The following FCAMR variants were observed in gnomAD, a reference collection of about 807,000 sequenced individuals.
The protein encoded by FCAMR is high affinity immunoglobulin alpha and immunoglobulin mu Fc receptor.
A neutral mutation model predicts 52.2 loss-of-function variants in FCAMR; 51 were observed. That is an observed-to-expected ratio of 0.98 (90% CI 0.78 to 1.23). The LOEUF is 1.23. Among genes scored for constraint, FCAMR ranks in the 50% most tolerant of loss-of-function variants. The probability of loss-of-function intolerance (pLI) is 0.00; values close to 1 mark genes in which losing one functional copy is unlikely to be tolerated. For missense variants in FCAMR, 719 were observed against 712.6 expected, an observed-to-expected ratio of 1.01 and a Z score of -0.10; for synonymous variants, 282 against 262.0, an observed-to-expected ratio of 1.08 and a Z score of -0.74.
At chr1:206,963,501 C>G (rs1005904915) in intron 4 of FCAMR, among the ~76,000 whole-genome samples, 1 of 152,166 alleles carries the variant, frequency 6.6e-6, no homozygotes, top group Non-Finnish European at 1.5e-5. Flanking sequence ...CGTAATTTCT[C>G]ATGGATAATA....
rs890498867 is a variant in FCAMR at position 206,958,643 on chromosome 1, A to G, written c.1607T>C (p.Met536Thr). The G allele has an allele frequency of 1.9e-6, 3 of 1,614,068 alleles. No homozygotes were observed. The highest frequency in any genetic ancestry group is 2.2e-5 in the East Asian group (1 of 44,886). Residue 536 changes from methionine (M) to threonine (T), a missense_variant, in exon 8 of 8, where the codon ATG becomes ACG. Coordinates refer to ENST00000324852, the MANE Select transcript of FCAMR (RefSeq NM_001170631.2). The part of the protein sequence containing the change: ...QEAERVTLIQ[M>T]THFLEVNPQA... ...GGGGTTCACTTCCAGAAAATGTGTC[A>G]TCTGAATTAAGGTGACCCTTTCTGC...
intron 7 of FCAMR, 147 bp downstream of exon 7, chr1:206,959,532 C>A: frequency 2.4e-5 from 13 of 552,808 alleles, no homozygotes; most frequent in South Asian, 6.5e-5. Flanking sequence ...GAAAAGAAAC[C>A]AAGGCCAAGA....
At chr1:206,963,617 T>C (rs892350200) in intron 4 of FCAMR, among the ~76,000 whole-genome samples, 2 of 152,180 alleles carry the variant, frequency 1.3e-5, no homozygotes, top group Admixed American at 6.5e-5. Context: ...CCAGCTGGGC[T>C]TGGAGTCTGT....
intron 5 of FCAMR, 70 bp from the exon 6 acceptor site, chr1:206,961,293 C>G: frequency 3.0e-6 from 4 of 1,322,498 alleles, no homozygotes; most frequent in Non-Finnish European, 4.1e-6. Flanking sequence ...GCAAAGGACA[C>G]CAGGTTTAAA....
At chr1:206,969,396 C>T (rs1280804060) in intron 1 of FCAMR, 1 of 422,050 alleles carries the variant, frequency 2.4e-6, no homozygotes, top group Admixed American at 2.5e-5. Context: ...CTCCAAGTCA[C>T]CCTCTCTGCC....
In FCAMR at chr1:206,960,723, T is replaced by C; in HGVS notation, c.1153A>G (p.Thr385Ala). Residue 385 changes from threonine (T) to alanine (A), a missense_variant, in exon 6 of 8, where the codon ACT becomes GCT. Transcript: ENST00000324852. ...TIGPPALVSE[T>A]LAWEILPQAT... ...TGTGGGAGGATTTCCCAGGCCAAAG[T>C]TTCTGAGACCAGAGCTGGTGGCCCA... is the stretch of plus-strand genomic sequence containing the variant. 1 of 1,552,338 alleles carries C rather than the reference T, an allele frequency of 6.4e-7. No homozygotes were observed. Among genetic ancestry groups the C allele is most frequent in the Non-Finnish European group, 8.7e-7 (1 of 1,147,136 alleles).
Position 206,962,568 on chromosome 1 carries a change from A to G in FCAMR, c.314-17T>C. On this transcript the variant is annotated splice_polypyrimidine_tract_variant and intron_variant, in intron 4 of 7. Coordinates refer to ENST00000324852, the MANE Select transcript of FCAMR (RefSeq NM_001170631.2). Reference sequence around the variant, plus strand: ...AATTTGGAGCTGCAGACAGAGAAGGAAGTCAAAGGAGAGGAAGTGGTGAGC... The same window carrying G: ...AATTTGGAGCTGCAGACAGAGAAGGGAGTCAAAGGAGAGGAAGTGGTGAGC... 1 of 1,508,746 alleles carries G rather than the reference A, an allele frequency of 6.6e-7. No individual in the cohort carries two copies. Among genetic ancestry groups the G allele is most frequent in the Non-Finnish European group, 8.9e-7 (1 of 1,123,494 alleles). 93.5% of individuals were successfully genotyped at this position (1,508,746 alleles called of 1,614,324 possible).
At chr1:206,962,676 G>T in intron 4 of FCAMR, 125 bp from the exon 5 acceptor site, 1 of 744,056 alleles carries the variant, frequency 1.3e-6, no homozygotes, top group Non-Finnish European at 2.1e-6. Context: ...TGAACATGGA[G>T]CAGAATCAAT....
chr1:206,960,445 A>G lies in FCAMR; in HGVS notation c.1431T>C (p.Pro477=). The change falls in exon 6 of 8, where the codon CCT becomes CCC. Residue 477 remains proline (P), a synonymous_variant. Coordinates refer to ENST00000324852, the MANE Select transcript of FCAMR (RefSeq NM_001170631.2). The part of the protein sequence containing the change: ...QTPAVGPWGP[P]GKESSVKRTF... ...ACCGCTTCACGGAGGACTCCTTGCC[A>G]GGGGGTCCCCAGGGTCCTACTGCCG... 4 of 1,511,724 alleles carry G rather than the reference A, an allele frequency of 2.6e-6. No individual in the cohort carries two copies. Among genetic ancestry groups the G allele is most frequent in the Non-Finnish European group, 3.5e-6 (4 of 1,128,908 alleles). 93.6% of individuals were successfully genotyped at this position (1,511,724 alleles called of 1,614,324 possible).
At chr1:206,967,773 G>A in intron 1 of FCAMR, 122 bp from the exon 2 acceptor site, 2 of 839,026 alleles carry the variant, frequency 2.4e-6, no homozygotes, top group East Asian at 2.6e-5. Context: ...CTGCACTAGG[G>A]TGCTATTCTG....
chr1:206,968,929 C>A (rs1680821270), intron 1 of FCAMR, among the ~76,000 whole-genome samples: 1 of 152,170 alleles, frequency 6.6e-6, no homozygotes, highest in Non-Finnish European at 1.5e-5. Context: ...CCAAGAATGG[C>A]CAGATCTTTA....
rs1348280059 is a variant in FCAMR, at chr1:206,961,227, T to G, written c.653-4A>C. ...GTGGGGAGGGTGCTGGCGGGACCTG[T>G]GTGGACAGCAGAGGGAGGCCACATG... On this transcript the variant is annotated splice_region_variant and splice_polypyrimidine_tract_variant and intron_variant, in intron 5 of 7. Transcript: ENST00000324852. 1 of 1,536,200 alleles carries G rather than the reference T, an allele frequency of 6.5e-7. No individual in the cohort carries two copies.
rs953767799 is a variant in FCAMR, at chr1:206,960,517, A to T, written c.1359T>A (p.Asp453Glu). Reference protein sequence around the residue: ...SGEGSAAGDLDAATGDRGPQA... With the variant: ...SGEGSAAGDLEAATGDRGPQA... The stretch of plus-strand genomic sequence containing the variant: ...GGGGACCTCTGTCTCCAGTGGCAGC[A>T]TCTAGGTCCCCTGCAGCGCTTCCTT... Residue 453 changes from aspartate (D) to glutamate (E), a missense_variant, in exon 6 of 8, where the codon GAT becomes GAA. Coordinates refer to ENST00000324852, the MANE Select transcript of FCAMR (RefSeq NM_001170631.2). The T allele has an allele frequency of 4.5e-6, 7 of 1,551,486 alleles. No individual in the cohort carries two copies. The African/African-American group carries it at 8.2e-5, about 18-fold the overall frequency.
Position 206,967,640 on chromosome 1 carries a change from C to T in FCAMR, c.51G>A (p.Arg17=). 1.2e-6 allele frequency: 2 copies of T among 1,614,146 alleles called. No homozygotes were observed. The highest frequency in any genetic ancestry group is 1.7e-6 in the Non-Finnish European group (2 of 1,179,984). ...TGGAGTAGTCCACTTCTCTTCCTCT[C>T]CTCACCACTTCCTGTTTGCAGAAGG... The part of the protein sequence containing the change: ...VKPGEQKEVV[R]RGREVDYSRL... Residue 17 remains arginine (R), a synonymous_variant, in exon 2 of 8, where the codon AGG becomes AGA. Transcript: ENST00000324852.
intron 1 of FCAMR, among the ~76,000 whole-genome samples, chr1:206,968,059 G>T (rs1680783398): frequency 6.6e-6 from 1 of 152,210 alleles, no homozygotes; most frequent in African/African-American, 2.4e-5. Context: ...AGAGATTGTG[G>T]CCGGGCACAG....
In FCAMR at chr1:206,970,428, G is replaced by T. The variant is rs1680891515; in HGVS notation, c.-303C>A. The T allele has an allele frequency of 9.0e-6, 3 of 333,898 alleles. No homozygotes were observed. Among genetic ancestry groups the T allele is most frequent in the Non-Finnish European group, 1.6e-5 (3 of 182,364 alleles). The allele number at this position is 333,898 out of a possible 1,614,324, so 20.7% of individuals were successfully genotyped here. ...GAGTGGTAACAGTAGCTTCAAAAAAGAAAACACTGATCCATATCCTTCCTC... is the reference window on the plus strand; with the variant it reads ...GAGTGGTAACAGTAGCTTCAAAAAATAAAACACTGATCCATATCCTTCCTC... On this transcript the variant is annotated 5_prime_UTR_variant, in exon 1 of 8. Coordinates refer to ENST00000324852, the MANE Select transcript of FCAMR (RefSeq NM_001170631.2).
intron 1 of FCAMR, among the ~76,000 whole-genome samples, chr1:206,968,396 G>A (rs1459233032): frequency 2.0e-5 from 3 of 152,150 alleles, no homozygotes; most frequent in Non-Finnish European, 4.4e-5. Flanking sequence ...TTCCCCAGAG[G>A]GTATTCATGG....
chr1:206,965,335 A>G lies in FCAMR; in HGVS notation c.313+380T>C, dbSNP rs1572665663. Reference sequence around the variant, plus strand: ...CCTTAATCAACCCTTGCAAATGCACATAATTTTTTATTAATACCAAAGTTA... The same window carrying G: ...CCTTAATCAACCCTTGCAAATGCACGTAATTTTTTATTAATACCAAAGTTA... On this transcript the variant is annotated intron_variant, in intron 4 of 7. Coordinates refer to ENST00000324852, the MANE Select transcript of FCAMR (RefSeq NM_001170631.2). Among the ~76,000 whole-genome samples the G allele has an allele frequency of 2.0e-5, 3 of 152,238 alleles. No individual in the cohort carries two copies. In the South Asian group the frequency reaches 6.2e-4, roughly 31 times the overall value.
At position 206,960,905 on chromosome 1, in the gene FCAMR, T is replaced by A; in HGVS notation, c.971A>T (p.Glu324Val). The change falls in exon 6 of 8, where the codon GAA becomes GTA. Residue 324 changes from glutamate to valine, a missense_variant. By Grantham distance (121) the Glu-to-Val change is moderately radical (BLOSUM62 -2). Transcript: ENST00000324852. Reference protein sequence around the residue: ...SKSRSMSNTTEGVWEGTRSSV... With the variant: ...SKSRSMSNTTVGVWEGTRSSV... ...GCTTCTGGTGCCCTCCCAAACACCT[T>A]CTGTTGTATTGGACATGCTTCTGCT... 1 of 1,552,332 alleles carries A rather than the reference T, an allele frequency of 6.4e-7. No homozygotes were observed. Among genetic ancestry groups the A allele is most frequent in the Non-Finnish European group, 8.7e-7 (1 of 1,147,130 alleles).
Sources: gnomAD v4.1 joint callset for allele counts (sites outside exome capture counted in the v4.1 genomes callset) on GRCh38, gnomAD v4.1.1 for gene constraint, MANE v1.5 for transcripts, NCBI Gene and HGNC (gene_info 2026-07-23, HGNC 2026-07-21) for gene names.